Variants in NBAS observed in about 807,000 individuals in gnomAD.
The protein encoded by NBAS is NAG/BC035112 fusion.
Under a neutral mutation model 302.5 loss-of-function variants are expected in NBAS, and 219 were observed. The ratio of observed to expected loss-of-function variants is 0.72; its 90% CI spans 0.65 to 0.81. The LOEUF is 0.81. Among genes scored for constraint, NBAS ranks in the 30% least tolerant of loss-of-function variants. The probability of loss-of-function intolerance (pLI) is 0.00; values close to 1 mark genes in which losing one functional copy is unlikely to be tolerated. For missense variants in NBAS, 2,932 were observed against 2,841.6 expected (o/e 1.03, Z -0.72); for synonymous variants, 1,118 against 1,021.6 (o/e 1.09, Z -1.80).
the NBAS span, among the ~76,000 whole-genome samples, chr2:15,039,656 T>C: frequency 2.0e-5 from 3 of 152,126 alleles, no homozygotes; most frequent in Non-Finnish European, 4.4e-5. Context: ...TCCTCCGAAG[T>C]ACAGAGAGCT....
chr2:15,448,543 C>T (rs1678858919), intron 21 of NBAS, among the ~76,000 whole-genome samples: 2 of 152,180 alleles, frequency 1.3e-5, no homozygotes, highest in Admixed American at 6.5e-5. Context: ...CTTTCCAGTA[C>T]ACTATACTAC....
chr2:15,085,085 G>C, the NBAS span, among the ~76,000 whole-genome samples: 2 of 152,208 alleles, frequency 1.3e-5, no homozygotes, highest in Admixed American at 1.3e-4. Flanking sequence ...CAAGTAGCCC[G>C]TCGGTGAGGA....
chr2:14,930,133 C>G, the NBAS span, among the ~76,000 whole-genome samples: 1 of 152,274 alleles, frequency 6.6e-6, no homozygotes, highest in East Asian at 1.9e-4. Context: ...TCATAAATTA[C>G]CTAGTCTCAG....
At chr2:14,868,465 G>A in the NBAS span, among the ~76,000 whole-genome samples, 18 of 152,222 alleles carry the variant, frequency 1.2e-4, no homozygotes, top group East Asian at 5.8e-4. Context: ...AGGTCTATAC[G>A]AAAGTATAAG....
At chr2:15,112,437 C>A in the NBAS span, among the ~76,000 whole-genome samples, 1 of 151,894 alleles carries the variant, frequency 6.6e-6, no homozygotes, top group African/African-American at 2.4e-5. Context: ...ATCCAACATA[C>A]GTATAATGGG....
intron 31 of NBAS, among the ~76,000 whole-genome samples, chr2:15,369,102 T>G (rs780831719): frequency 6.6e-6 from 1 of 152,192 alleles, no homozygotes; most frequent in Non-Finnish European, 1.5e-5. Flanking sequence ...GTGAGATAGG[T>G]ACTTTTAACA....
chr2:15,168,133 G>A (rs1027189610), intron 51 of NBAS, among the ~76,000 whole-genome samples: 16 of 151,894 alleles, frequency 1.1e-4, no homozygotes, highest in African/African-American at 3.4e-4. Flanking sequence ...ATCAAAATTC[G>A]GAGCTTCTCA....
chr2:15,106,451 G>GTCTCTGTC, the NBAS span, among the ~76,000 whole-genome samples: 1 of 147,858 alleles, frequency 6.8e-6, no homozygotes, highest in Non-Finnish European at 1.5e-5. Context: ...CTCTGTCTCT[G>GTCTCTGTC]TCTCTCTCTC....
intron 25 of NBAS, among the ~76,000 whole-genome samples, chr2:15,406,494 G>A (rs1269967922): frequency 3.9e-5 from 6 of 152,138 alleles, no homozygotes; most frequent in African/African-American, 1.4e-4. Flanking sequence ...CCTTAACTCT[G>A]AGTATGAAAA....
At chr2:15,301,669 A>G (rs1558516012) in intron 40 of NBAS, among the ~76,000 whole-genome samples, 1 of 152,226 alleles carries the variant, frequency 6.6e-6, no homozygotes, top group Non-Finnish European at 1.5e-5. Context: ...GATGAAAAGT[A>G]TTTACGTTCA....
chr2:15,399,791 T>C (rs747034489), intron 26 of NBAS, among the ~76,000 whole-genome samples: 4 of 120,920 alleles, frequency 3.3e-5, no homozygotes, highest in African/African-American at 8.9e-5. Flanking sequence ...AATGAAGATA[T>C]TGAAATCTTC....
intron 48 of NBAS, among the ~76,000 whole-genome samples, chr2:15,203,473 A>T (rs984038416): frequency 1.3e-5 from 2 of 152,206 alleles, no homozygotes; most frequent in Non-Finnish European, 2.9e-5. Flanking sequence ...CTAGAGTTTT[A>T]ACTTTGATGT....
the NBAS span, among the ~76,000 whole-genome samples, chr2:15,144,389 T>C: frequency 6.6e-6 from 1 of 152,192 alleles, no homozygotes; most frequent in Non-Finnish European, 1.5e-5. Context: ...GCCTATTAAA[T>C]AAAATATAAT....
At chr2:14,889,467 G>A in the NBAS span, among the ~76,000 whole-genome samples, 4 of 152,152 alleles carry the variant, frequency 2.6e-5, no homozygotes, top group East Asian at 7.7e-4. Flanking sequence ...ATATCATATG[G>A]AAGTATAAGA....
the NBAS span, among the ~76,000 whole-genome samples, chr2:15,139,526 G>A: frequency 6.6e-6 from 1 of 151,686 alleles, no homozygotes; most frequent in South Asian, 2.1e-4. Context: ...GTGTGTGTAT[G>A]TGTGTGTGCA....
the NBAS span, among the ~76,000 whole-genome samples, chr2:14,858,374 G>A: frequency 6.6e-6 from 1 of 152,172 alleles, no homozygotes; most frequent in Admixed American, 6.5e-5. Context: ...ATTCATTGCA[G>A]CATATTCACA....
intron 11 of NBAS, among the ~76,000 whole-genome samples, chr2:15,492,008 G>A (rs1197089093): frequency 6.6e-6 from 1 of 152,076 alleles, no homozygotes; most frequent in African/African-American, 2.4e-5. Context: ...GCTTTCATAT[G>A]GTGGATACTT....
chr2:14,879,206 G>C, the NBAS span, among the ~76,000 whole-genome samples: 1 of 152,050 alleles, frequency 6.6e-6, no homozygotes, highest in Non-Finnish European at 1.5e-5. Flanking sequence ...TTCACCTACT[G>C]AAGAACATTT....
the NBAS span, among the ~76,000 whole-genome samples, chr2:15,014,744 A>G: frequency 0.045 from 6,864 of 152,104 alleles, 350 homozygotes; most frequent in African/African-American, 0.1. Context: ...TAGAAAAGCA[A>G]GAACAAACCA....
Sources: gnomAD v4.1 joint callset for allele counts (sites outside exome capture counted in the v4.1 genomes callset) on GRCh38, gnomAD v4.1.1 for gene constraint, MANE v1.5 for transcripts, NCBI Gene and HGNC (gene_info 2026-07-23, HGNC 2026-07-21) for gene names.